PARD3B: variants seen among roughly 807,000 people sequenced by gnomAD.
PARD3B encodes the protein partitioning defective 3 homolog B.
A neutral mutation model predicts 130.2 loss-of-function variants in PARD3B; 103 were observed. The ratio of observed to expected loss-of-function variants is 0.79; its 90% confidence interval spans 0.67 to 0.93. The LOEUF is 0.93. Ranked by LOEUF, PARD3B falls within the 40% of genes least tolerant of loss-of-function variation. The probability of loss-of-function intolerance (pLI) is 0.00; values close to 1 mark genes in which losing one functional copy is unlikely to be tolerated. For synonymous variants in PARD3B, 583 were observed against 553.2 expected, an observed-to-expected ratio of 1.05 and a Z score of -0.76; for missense variants, 1,609 against 1,499.2, an observed-to-expected ratio of 1.07 and a Z score of -1.21.
chr2:205,364,019 A>G (rs944622082), intron 18 of PARD3B, among the ~76,000 whole-genome samples: 9 of 151,906 alleles, frequency 5.9e-5, no homozygotes, highest in African/African-American at 2.2e-4. Context: ...CAGCGAAGGC[A>G]CCCTGAGAAG....
intron 2 of PARD3B, among the ~76,000 whole-genome samples, chr2:204,950,220 T>C (rs930616047): frequency 5.3e-5 from 8 of 152,186 alleles, no homozygotes; most frequent in African/African-American, 1.9e-4. Context: ...TTTGAATATA[T>C]TGATAGGAAC....
At chr2:204,684,517 G>T (rs1574698806) in intron 1 of PARD3B, among the ~76,000 whole-genome samples, 1 of 152,152 alleles carries the variant, frequency 6.6e-6, no homozygotes, top group Admixed American at 6.5e-5. Context: ...TAACAAAAAA[G>T]ATTTAATTCC....
rs141672603 is a variant in PARD3B at position 204,694,810 on chromosome 2, G to A, written c.222+8528G>A. 6.6e-5 allele frequency among the ~76,000 whole-genome samples: 10 copies of A among 152,112 alleles called. No individual in the cohort carries two copies. In the East Asian group the frequency reaches 1.4e-3, roughly 21 times the overall value. On this transcript the variant is annotated intron_variant, in intron 2 of 22. Transcript: ENST00000406610. Reference sequence around the variant, plus strand: ...TGTATGGGTGTATGTGTGTATGTACGTATGATGAGAGAATCTGTGCACAGA... The same window carrying A: ...TGTATGGGTGTATGTGTGTATGTACATATGATGAGAGAATCTGTGCACAGA...
intron 15 of PARD3B, among the ~76,000 whole-genome samples, chr2:205,216,865 T>A (rs1272146728): frequency 6.6e-6 from 1 of 152,186 alleles, no homozygotes; most frequent in African/African-American, 2.4e-5. Flanking sequence ...GAAGCCTGAA[T>A]AAGGCCAATC....
chr2:205,034,360 A>C (rs1049941371), intron 3 of PARD3B, among the ~76,000 whole-genome samples: 1 of 152,116 alleles, frequency 6.6e-6, no homozygotes, highest in African/African-American at 2.4e-5. Context: ...TTGTTTGACA[A>C]CTTGTTTTAT....
At chr2:204,666,270 AAATT>A (rs1393010883) in intron 1 of PARD3B, among the ~76,000 whole-genome samples, 25 of 152,232 alleles carry the variant, frequency 1.6e-4, no homozygotes, top group African/African-American at 5.8e-4. Context: ...ATGGAATAAT[AAATT>A]AATTCTAATT....
In PARD3B at chr2:205,544,493, C is replaced by T. The variant is rs35798573; in HGVS notation, c.3181-8831C>T. On this transcript the variant is annotated intron_variant, in intron 21 of 22. Coordinates refer to ENST00000406610, the MANE Select transcript of PARD3B (RefSeq NM_001302769.2). Reference sequence around the variant, plus strand: ...CACAAAGTGCATCTGATAGATGAAGCCAAATTTGTAAAATTGTATCCACAA... The same window carrying T: ...CACAAAGTGCATCTGATAGATGAAGTCAAATTTGTAAAATTGTATCCACAA... 2.2e-3 allele frequency among the ~76,000 whole-genome samples: 327 copies of T among 152,078 alleles called. 1 individual carries two copies. Among genetic ancestry groups the T allele is most frequent in the Non-Finnish European group, 3.6e-3 (242 of 67,978 alleles).
In PARD3B at chr2:205,253,390, T is replaced by C. The variant is rs2039939701; in HGVS notation, c.2185+7568T>C. 1 of 568,018 alleles carries C rather than the reference T, an allele frequency of 1.8e-6. No homozygotes were observed. Among genetic ancestry groups the C allele is most frequent in the East Asian group, 4.7e-5 (1 of 21,498 alleles). 35.2% of individuals were successfully genotyped at this position (568,018 alleles called of 1,614,324 possible). ...CTGTGGGTCAGTGCTGACACACCCA[T>C]GGCCATACGTTTGGTCTTCTTGGCC... On this transcript the variant is annotated intron_variant, in intron 16 of 22. Transcript: ENST00000406610. This position sits in a 1 kb window ranked among gnomAD's most constrained non-coding sequence, Gnocchi z 4.4.
At chr2:205,067,176 T>G (rs1419572540) in intron 4 of PARD3B, among the ~76,000 whole-genome samples, 1 of 150,118 alleles carries the variant, frequency 6.7e-6, no homozygotes, top group Non-Finnish European at 1.5e-5. Context: ...GTTTTTGTTT[T>G]TCAGAGAAAG....
chr2:204,579,995 G>T (rs571971726), intron 1 of PARD3B, among the ~76,000 whole-genome samples: 125 of 152,318 alleles, frequency 8.2e-4, no homozygotes, highest in African/African-American at 2.8e-3. Flanking sequence ...TTGTTACAGT[G>T]ATGTGTGTAA....
intron 1 of PARD3B, among the ~76,000 whole-genome samples, chr2:204,621,302 T>C (rs1038444535): frequency 6.6e-6 from 1 of 152,182 alleles, no homozygotes; most frequent in Admixed American, 6.5e-5. Flanking sequence ...ATTCTTTTTT[T>C]CCCCTTTGCA....
At chr2:205,521,275 A>G (rs1346700386) in intron 21 of PARD3B, among the ~76,000 whole-genome samples, 1 of 151,800 alleles carries the variant, frequency 6.6e-6, no homozygotes, top group Non-Finnish European at 1.5e-5. Flanking sequence ...TCATAGGTTT[A>G]TTGGCCATGT....
At chr2:205,365,396 A>G (rs1024105507) in intron 18 of PARD3B, among the ~76,000 whole-genome samples, 1 of 148,658 alleles carries the variant, frequency 6.7e-6, no homozygotes, top group Non-Finnish European at 1.5e-5. Context: ...AAAAAAAAGA[A>G]AGAAAAGAAA....
chr2:205,426,218 T>A (rs1235583231), intron 19 of PARD3B, among the ~76,000 whole-genome samples: 1 of 152,140 alleles, frequency 6.6e-6, no homozygotes, highest in African/African-American at 2.4e-5. Context: ...AAAGATTGCA[T>A]GTAACATTGT....
chr2:204,844,664 G>GGAAGCATTGACCAAATGAT (rs1187163636), intron 2 of PARD3B, among the ~76,000 whole-genome samples: 1 of 152,130 alleles, frequency 6.6e-6, no homozygotes, highest in Non-Finnish European at 1.5e-5. Context: ...ATAGGAGTCA[G>GGAAGCATTGACCAAATGAT]GAAGCATTGA....
At chr2:205,365,009 G>C (rs1414754416) in intron 18 of PARD3B, among the ~76,000 whole-genome samples, 1 of 152,002 alleles carries the variant, frequency 6.6e-6, no homozygotes. Flanking sequence ...AGACCAGCCT[G>C]GGCAAGATGG....
intron 1 of PARD3B, among the ~76,000 whole-genome samples, chr2:204,578,390 T>C (rs1170590148): frequency 6.6e-6 from 1 of 152,140 alleles, no homozygotes; most frequent in Non-Finnish European, 1.5e-5. Flanking sequence ...GGAATATAGC[T>C]GGGCTTGAGG....
intron 2 of PARD3B, among the ~76,000 whole-genome samples, chr2:204,889,314 A>G (rs527903386): frequency 6.6e-6 from 1 of 152,300 alleles, no homozygotes; most frequent in South Asian, 2.1e-4. Flanking sequence ...GAAAGACACA[A>G]ATAGCTTTTA....
intron 1 of PARD3B, among the ~76,000 whole-genome samples, chr2:204,642,034 T>C (rs1308384443): frequency 6.6e-6 from 1 of 152,226 alleles, no homozygotes; most frequent in African/African-American, 2.4e-5. Context: ...CTTCAGGATA[T>C]ACTTTGCCTT....
Sources: gnomAD v4.1 joint callset for allele counts (sites outside exome capture counted in the v4.1 genomes callset) on GRCh38, gnomAD v4.1.1 for gene constraint, Gnocchi (gnomAD v3.1) non-coding constraint, MANE v1.5 for transcripts, NCBI Gene and HGNC (gene_info 2026-07-23, HGNC 2026-07-21) for gene names.